The following PRKAB2 variants were observed in gnomAD, a reference collection of about 807,000 sequenced individuals.
PRKAB2 encodes protein kinase AMP-activated non-catalytic subunit beta 2, also known as 5'-AMP-activated protein kinase subunit beta-2.
A neutral mutation model predicts 29.8 loss-of-function variants in PRKAB2; 18 were observed. That is an observed-to-expected ratio of 0.60 (90% CI 0.42 to 0.89). PRKAB2 has a LOEUF of 0.89. Among genes scored for constraint, PRKAB2 ranks in the 40% least tolerant of loss-of-function variants. PRKAB2 has a pLI of 0.00. For synonymous variants in PRKAB2, 136 were observed against 125.9 expected, an observed-to-expected ratio of 1.08 and a Z score of -0.54; for missense variants, 270 against 344.3, an observed-to-expected ratio of 0.78 and a Z score of 1.71.
chr1:147,159,712 G>C (rs1653860743), intron 7 of PRKAB2, 70 bp from the exon 8 acceptor site: 2 of 1,309,206 alleles, frequency 1.5e-6, no homozygotes, highest in Non-Finnish European at 1.1e-6. Context: ...CCAGTCATCA[G>C]TCCTTCACAG....
At chr1:147,166,969 C>G (rs587633757) in intron 3 of PRKAB2, 30 bp from the exon 4 acceptor site, 1 of 1,562,034 alleles carries the variant, frequency 6.4e-7, no homozygotes, top group South Asian at 1.1e-5. Context: ...GGCAAACAGG[C>G]CAAGTTCCTT....
intron 5 of PRKAB2, among the ~76,000 whole-genome samples, chr1:147,163,063 C>T (rs1021614567): frequency 1.4e-5 from 2 of 143,764 alleles, no homozygotes; most frequent in Non-Finnish European, 3.0e-5. Context: ...ACTACCAATA[C>T]AACAATGATT....
chr1:147,167,970 T>C, intron 2 of PRKAB2, 37 bp from the exon 3 acceptor site: 1 of 1,578,850 alleles, frequency 6.3e-7, no homozygotes, highest in East Asian at 2.3e-5. Context: ...GAATAAACTG[T>C]GACCCAAGAA....
At position 147,166,849 on chromosome 1, in the gene PRKAB2, T is replaced by G; in HGVS notation, c.414A>C (p.Ser138=). 2 of 1,613,086 alleles carry G rather than the reference T, an allele frequency of 1.2e-6. No individual in the cohort carries two copies. Among genetic ancestry groups the G allele is most frequent in the Non-Finnish European group, 1.7e-6 (2 of 1,179,028 alleles). Residue 138 remains serine, a synonymous_variant, in exon 4 of 8, where the codon TCA becomes TCC. Transcript: ENST00000254101. The part of the protein sequence containing the change: ...FVDGQWVHDP[S]EPVVTSQLGT... ...CCCTTGGAGATCAAGGCCTTACCTC[T>G]GATGGATCATGAACCCACTGTCCAT...
intron 2 of PRKAB2, among the ~76,000 whole-genome samples, chr1:147,168,287 T>C (rs1553913924): frequency 1.3e-5 from 2 of 152,176 alleles, no homozygotes; most frequent in Non-Finnish European, 1.5e-5. Context: ...TTCTGAGTCT[T>C]TCTTCAGAGG....
intron 2 of PRKAB2, among the ~76,000 whole-genome samples, chr1:147,168,351 A>G (rs781785720): frequency 9.9e-5 from 15 of 152,240 alleles, no homozygotes; most frequent in Non-Finnish European, 1.9e-4. Flanking sequence ...AGTCAGCCAT[A>G]TATTTTTATA....
chr1:147,161,415 C>A (rs1376069342), intron 7 of PRKAB2, among the ~76,000 whole-genome samples: 1 of 152,042 alleles, frequency 6.6e-6, no homozygotes, highest in Non-Finnish European at 1.5e-5. Context: ...CAGAAGAAAT[C>A]CTATGCTATG....
At chr1:147,169,785 A>C (rs1217848134) in intron 2 of PRKAB2, among the ~76,000 whole-genome samples, 15 of 152,196 alleles carry the variant, frequency 9.9e-5, no homozygotes, top group African/African-American at 3.6e-4. Context: ...CCCTACTTTG[A>C]AAGTGTTTCA....
At chr1:147,164,401 A>T (rs1654130149) in intron 5 of PRKAB2, among the ~76,000 whole-genome samples, 1 of 152,242 alleles carries the variant, frequency 6.6e-6, no homozygotes, top group Admixed American at 6.5e-5. Flanking sequence ...CGATCATTAC[A>T]CATATAAAAT....
intron 2 of PRKAB2, among the ~76,000 whole-genome samples, chr1:147,170,457 G>A (rs782751592): frequency 6.6e-6 from 1 of 152,148 alleles, no homozygotes; most frequent in South Asian, 2.1e-4. Context: ...ATCACCTTTC[G>A]AAAGCTTTGA....
chr1:147,162,250 A>G (rs782028171), intron 6 of PRKAB2, among the ~76,000 whole-genome samples, 190 bp downstream of exon 6: 8 of 152,178 alleles, frequency 5.3e-5, no homozygotes, highest in Non-Finnish European at 8.8e-5. Flanking sequence ...ACAACTATGA[A>G]TTTTTATATC....
At chr1:147,171,925 G>A (rs1339192686) in intron 2 of PRKAB2, 64 bp downstream of exon 2, 1 of 1,552,414 alleles carries the variant, frequency 6.4e-7, no homozygotes, top group African/African-American at 1.4e-5. Flanking sequence ...CCAAGAAAGG[G>A]AAGAGGAGCC....
Position 147,155,686 on chromosome 1 carries a change from C to T in PRKAB2, c.*3879G>A, listed in dbSNP as rs1553912355. 1.3e-5 allele frequency: 2 copies of T among 152,556 alleles called. No homozygotes were observed. Among genetic ancestry groups the T allele is most frequent in the Admixed American group, 6.6e-5 (1 of 15,260 alleles). The allele number at this position is 152,556 out of a possible 1,614,324, so 9.5% of individuals were successfully genotyped here. A position where few individuals can be genotyped will look rare whatever the true frequency, so the allele number is the denominator to read the frequency against. On this transcript the variant is annotated 3_prime_UTR_variant, in exon 8 of 8. Transcript: ENST00000254101. ...TCACACCAATCTTACTGCAAAAGTGCTGTGCTACATACAATCAATTCAAGT... is the reference window on the plus strand; with the variant it reads ...TCACACCAATCTTACTGCAAAAGTGTTGTGCTACATACAATCAATTCAAGT...
Position 147,172,455 on chromosome 1 carries a change from G to A in PRKAB2, c.-50C>T. The A allele has an allele frequency of 2.1e-6, 1 of 467,644 alleles. No individual in the cohort carries two copies. 29.0% of individuals were successfully genotyped at this position (467,644 alleles called of 1,614,324 possible). ...TCGGGCGATGCGCTCCCTCCTCCAA[G>A]GGCCACTGATGTGATGGCTGTTCTG... On this transcript the variant is annotated 5_prime_UTR_variant, in exon 1 of 8. Coordinates refer to ENST00000254101, the MANE Select transcript of PRKAB2 (RefSeq NM_005399.5).
chr1:147,168,419 T>C (rs1654357154), intron 2 of PRKAB2, among the ~76,000 whole-genome samples: 1 of 152,200 alleles, frequency 6.6e-6, no homozygotes, highest in Non-Finnish European at 1.5e-5. Context: ...ATATCAAAAT[T>C]CATAAGTAAT....
In PRKAB2 at chr1:147,166,536, T is replaced by C. The variant is rs782809221; in HGVS notation, c.500A>G (p.Lys167Arg). ...KSDFEVFDAL[K>R]LDSMESSETS... ...CTCAGAACTTTCCATAGAATCTAAC[T>C]TTAAAGCATCGAACACCTCAAAATC... is the stretch of plus-strand genomic sequence containing the variant. Residue 167 changes from lysine to arginine, a missense_variant, in exon 5 of 8, where the codon AAG becomes AGG. By Grantham distance (26) the Lys-to-Arg change is conservative (BLOSUM62 2). This residue lies in a region of PRKAB2 where 228 missense variants were observed against 255.5 expected (regional missense o/e 0.89). Transcript: ENST00000254101. The C allele has an allele frequency of 1.4e-5, 23 of 1,613,894 alleles. No individual in the cohort carries two copies. The highest frequency in any genetic ancestry group is 1.9e-5 in the Non-Finnish European group (23 of 1,179,912).
At position 147,159,532 on chromosome 1, in the gene PRKAB2, C is replaced by A; in HGVS notation, c.*33G>T. The A allele has an allele frequency of 1.9e-6, 3 of 1,581,454 alleles. No homozygotes were observed. Among genetic ancestry groups the A allele is most frequent in the Non-Finnish European group, 2.6e-6 (3 of 1,151,470 alleles). On this transcript the variant is annotated 3_prime_UTR_variant, in exon 8 of 8. Coordinates refer to ENST00000254101, the MANE Select transcript of PRKAB2 (RefSeq NM_005399.5). Reference sequence around the variant, plus strand: ...GTCCAGAAATGCAAGGGAGATGCTTCTCCTGAATCCTTAGAGGCAAGAAGG... The same window carrying A: ...GTCCAGAAATGCAAGGGAGATGCTTATCCTGAATCCTTAGAGGCAAGAAGG...
intron 5 of PRKAB2, among the ~76,000 whole-genome samples, chr1:147,165,729 C>CT (rs782499080): frequency 0.02 from 2,886 of 145,644 alleles, 42 homozygotes; most frequent in South Asian, 0.084. Context: ...CTACCATAGA[C>CT]TTTTTTTTTT....
chr1:147,162,418 C>T lies in PRKAB2; in HGVS notation c.672+22G>A, dbSNP rs782449214. On this transcript the variant is annotated intron_variant, in intron 6 of 7. Coordinates refer to ENST00000254101, the MANE Select transcript of PRKAB2 (RefSeq NM_005399.5). ...TGGTCCTAGACACCCCCAGATGCCCCAGTAATACTCAGGATACTCACAGAA... is the reference window on the plus strand; with the variant it reads ...TGGTCCTAGACACCCCCAGATGCCCTAGTAATACTCAGGATACTCACAGAA... The T allele has an allele frequency of 1.0e-5, 16 of 1,602,952 alleles. No homozygotes were observed. In the East Asian group the frequency reaches 2.9e-4, roughly 29 times the overall value.
Sources: gnomAD v4.1 joint callset for allele counts (sites outside exome capture counted in the v4.1 genomes callset) on GRCh38, gnomAD v4.1.1 for gene constraint, gnomAD v4.1.1 regional missense constraint, MANE v1.5 for transcripts, NCBI Gene and HGNC (gene_info 2026-07-23, HGNC 2026-07-21) for gene names.